PPARGC1A: variants seen among roughly 807,000 people sequenced by gnomAD.
PPARGC1A encodes PPARG coactivator 1 alpha.
A neutral mutation model predicts 88.7 loss-of-function variants in PPARGC1A; 25 were observed. The observed-to-expected ratio is 0.28, with a 90% CI of 0.21 to 0.39. The LOEUF is 0.39. PPARGC1A is among the 10% of genes least tolerant of loss of function. The pLI, the probability that PPARGC1A is intolerant of heterozygous loss-of-function variation, is 1.00. For synonymous variants in PPARGC1A, 363 were observed against 355.6 expected (o/e 1.02, Z -0.24); for missense variants, 880 against 968.7 (o/e 0.91, Z 1.22).
At chr4:23,964,069 G>A in the PPARGC1A span, among the ~76,000 whole-genome samples, 1 of 152,170 alleles carries the variant, frequency 6.6e-6, no homozygotes, top group Non-Finnish European at 1.5e-5. Flanking sequence ...TTAATGTAAA[G>A]CAAACAGAAC....
chr4:24,141,448 G>A, the PPARGC1A span, among the ~76,000 whole-genome samples: 1 of 152,220 alleles, frequency 6.6e-6, no homozygotes. Flanking sequence ...ACCAGATCTG[G>A]GGTTTATTAA....
At chr4:24,318,907 G>T in the PPARGC1A span, among the ~76,000 whole-genome samples, 2 of 152,114 alleles carry the variant, frequency 1.3e-5, no homozygotes, top group Non-Finnish European at 2.9e-5. Flanking sequence ...TCCCAGACAA[G>T]GTAGGATGTG....
chr4:24,232,826 A>G, the PPARGC1A span, among the ~76,000 whole-genome samples: 7 of 152,238 alleles, frequency 4.6e-5, no homozygotes, highest in Non-Finnish European at 8.8e-5. Flanking sequence ...GCTAAAATGC[A>G]AATAATTCTA....
At chr4:23,937,022 A>C in the PPARGC1A span, among the ~76,000 whole-genome samples, 1 of 152,072 alleles carries the variant, frequency 6.6e-6, no homozygotes, top group African/African-American at 2.4e-5. Context: ...TTCTGTGCGA[A>C]GTCACGAAGA....
At chr4:24,204,044 AAAGTC>A in the PPARGC1A span, among the ~76,000 whole-genome samples, 2 of 152,180 alleles carry the variant, frequency 1.3e-5, no homozygotes, top group African/African-American at 4.8e-5. Context: ...AAATGAGATA[AAAGTC>A]AAGATGTTGA....
At chr4:24,414,203 C>T in the PPARGC1A span, among the ~76,000 whole-genome samples, 2 of 152,260 alleles carry the variant, frequency 1.3e-5, no homozygotes, top group African/African-American at 4.8e-5. Context: ...ATAAACATAG[C>T]TTTGAAACAT....
At chr4:24,400,837 T>C in the PPARGC1A span, among the ~76,000 whole-genome samples, 3 of 152,100 alleles carry the variant, frequency 2.0e-5, no homozygotes, top group African/African-American at 7.2e-5. Flanking sequence ...AGCACCTATG[T>C]AAAATGTGAG....
the PPARGC1A span, among the ~76,000 whole-genome samples, chr4:24,209,964 A>G: frequency 1.3e-5 from 2 of 152,228 alleles, no homozygotes; most frequent in Non-Finnish European, 2.9e-5. Flanking sequence ...CTTAGCTTCT[A>G]ATTAACCTTG....
intron 2 of PPARGC1A, among the ~76,000 whole-genome samples, chr4:23,869,737 T>A (rs1712873867): frequency 6.6e-6 from 1 of 152,140 alleles, no homozygotes; most frequent in African/African-American, 2.4e-5. Context: ...CAGATGAATA[T>A]TTACAAGTGA....
chr4:24,224,651 AG>A, the PPARGC1A span, among the ~76,000 whole-genome samples: 1 of 152,210 alleles, frequency 6.6e-6, no homozygotes, highest in Non-Finnish European at 1.5e-5. Context: ...CATGCCCTTG[AG>A]GAGCTTACAT....
At chr4:23,899,001 A>G (rs1485915211) in intron 1 of PPARGC1A, among the ~76,000 whole-genome samples, 1 of 151,712 alleles carries the variant, frequency 6.6e-6, no homozygotes, top group Non-Finnish European at 1.5e-5. Context: ...ACGCCCGGCT[A>G]ATTTTTTTTT....
the PPARGC1A span, among the ~76,000 whole-genome samples, chr4:24,089,926 A>G: frequency 6.6e-6 from 1 of 152,240 alleles, no homozygotes; most frequent in Non-Finnish European, 1.5e-5. Flanking sequence ...GGAAGCAAAC[A>G]GCACAGGCAA....
At chr4:24,020,724 G>A in the PPARGC1A span, among the ~76,000 whole-genome samples, 5 of 152,208 alleles carry the variant, frequency 3.3e-5, no homozygotes, top group Non-Finnish European at 4.4e-5. Context: ...CAGAGGAGGC[G>A]CCTTCCTCAT....
At chr4:23,931,017 A>G in the PPARGC1A span, among the ~76,000 whole-genome samples, 1 of 152,090 alleles carries the variant, frequency 6.6e-6, no homozygotes, top group African/African-American at 2.4e-5. Flanking sequence ...GTCCGGTGGC[A>G]TTTTCCGTTG....
the PPARGC1A span, among the ~76,000 whole-genome samples, chr4:24,461,561 T>A: frequency 6.6e-6 from 1 of 152,140 alleles, no homozygotes; most frequent in African/African-American, 2.4e-5. Context: ...TGTGTATATC[T>A]ATTCATATGC....
chr4:23,849,165 T>C (rs1728833541), intron 2 of PPARGC1A, among the ~76,000 whole-genome samples: 1 of 152,174 alleles, frequency 6.6e-6, no homozygotes, highest in Non-Finnish European at 1.5e-5. Flanking sequence ...TGGAGACATC[T>C]GCTTCATAGA....
the PPARGC1A span, among the ~76,000 whole-genome samples, chr4:24,445,386 C>T: frequency 3.9e-5 from 6 of 152,200 alleles, no homozygotes; most frequent in African/African-American, 1.2e-4. Flanking sequence ...GATACAAAAT[C>T]GATATCTTGA....
intron 3 of PPARGC1A, among the ~76,000 whole-genome samples, chr4:23,831,321 A>C (rs1029885450): frequency 2.0e-5 from 3 of 152,190 alleles, no homozygotes; most frequent in Non-Finnish European, 4.4e-5. Context: ...AGAAAAATAC[A>C]CACACATAAC....
At chr4:24,133,572 C>T in the PPARGC1A span, among the ~76,000 whole-genome samples, 3 of 152,262 alleles carry the variant, frequency 2.0e-5, no homozygotes, top group Admixed American at 1.3e-4. Context: ...TGGCATAATT[C>T]GGGGCCCAGA....
Sources: gnomAD v4.1 joint callset for allele counts (sites outside exome capture counted in the v4.1 genomes callset) on GRCh38, gnomAD v4.1.1 for gene constraint, MANE v1.5 for transcripts, NCBI Gene and HGNC (gene_info 2026-07-23, HGNC 2026-07-21) for gene names.